TBCK: variants seen among roughly 807,000 people sequenced by gnomAD.
The protein encoded by TBCK is TBC1 domain containing kinase, also known as TBC domain-containing protein kinase-like protein.
A neutral mutation model predicts 113.4 loss-of-function variants in TBCK; 99 were observed. The ratio of observed to expected loss-of-function variants is 0.87; its 90% CI spans 0.74 to 1.03. TBCK has a LOEUF of 1.03. TBCK is among the 50% of genes least tolerant of loss of function. The pLI is 0.00. For synonymous variants in TBCK, 369 were observed against 370.8 expected (o/e 1.00, Z 0.05); for missense variants, 1,045 against 1,061.3 (o/e 0.98, Z 0.21).
At chr4:106,079,310 G>T (rs1475228191) in intron 25 of TBCK, among the ~76,000 whole-genome samples, 1 of 152,178 alleles carries the variant, frequency 6.6e-6, no homozygotes, top group African/African-American at 2.4e-5. Context: ...CATAGCACTG[G>T]AAGTCTTAGC....
chr4:106,313,538 C>G (rs1273675633), intron 1 of TBCK, among the ~76,000 whole-genome samples: 2 of 152,150 alleles, frequency 1.3e-5, no homozygotes, highest in East Asian at 3.8e-4. Flanking sequence ...CTTTTGTGAG[C>G]AAGTTTCCTT....
chr4:106,068,611 G>A (rs1291250093), intron 25 of TBCK, among the ~76,000 whole-genome samples: 4 of 152,252 alleles, frequency 2.6e-5, no homozygotes, highest in South Asian at 2.1e-4. Context: ...ATAAACATAC[G>A]TGTGCATGCA....
intron 23 of TBCK, among the ~76,000 whole-genome samples, chr4:106,135,239 A>T (rs1009703800): frequency 6.6e-6 from 1 of 151,426 alleles, no homozygotes; most frequent in Non-Finnish European, 1.5e-5. Flanking sequence ...TAGATATTTT[A>T]TATATAATAA....
chr4:106,112,229 A>G (rs1449549421), intron 24 of TBCK, among the ~76,000 whole-genome samples: 2 of 149,896 alleles, frequency 1.3e-5, no homozygotes, highest in Non-Finnish European at 3.0e-5. Context: ...CCCTGATATC[A>G]TCAGGATTCC....
intron 3 of TBCK, among the ~76,000 whole-genome samples, chr4:106,278,701 A>C (rs940248728): frequency 6.6e-6 from 1 of 151,988 alleles, no homozygotes; most frequent in Admixed American, 6.5e-5. Context: ...GAAATGTATA[A>C]TATATGTAAA....
chr4:106,081,959 G>A (rs1456736590), intron 25 of TBCK, among the ~76,000 whole-genome samples: 1 of 152,162 alleles, frequency 6.6e-6, no homozygotes, highest in African/African-American at 2.4e-5. Flanking sequence ...CACAAGAAAT[G>A]CTGGTGAGGT....
At chr4:106,260,241 T>G (rs905405822) in intron 5 of TBCK, among the ~76,000 whole-genome samples, 196 bp downstream of exon 5, 7 of 151,918 alleles carry the variant, frequency 4.6e-5, no homozygotes, top group Non-Finnish European at 1.5e-5. Context: ...CAATGAATGA[T>G]GAACATCAAC....
At position 106,227,886 on chromosome 4, in the gene TBCK, G is replaced by C. The variant is rs1469556912; in HGVS notation, c.1774+2477C>G. 4.1e-5 allele frequency among the ~76,000 whole-genome samples: 4 copies of C among 98,230 alleles called. 1 individual carries two copies. The highest frequency in any genetic ancestry group is 9.6e-5 in the Non-Finnish European group (4 of 41,808). 64.4% of individuals were successfully genotyped at this position (98,230 alleles called of 152,430 possible). A position where few individuals can be genotyped will look rare whatever the true frequency, so the allele number is the denominator to read the frequency against. ...ACAATAATAACACTAGCAAAAACTA[G>C]TACTTACAGTAACAGTAACATTAAG... On this transcript the variant is annotated intron_variant, in intron 19 of 25. Coordinates refer to ENST00000394708, the MANE Select transcript of TBCK (RefSeq NM_001163435.3).
chr4:106,298,060 G>A (rs374267469), intron 2 of TBCK, among the ~76,000 whole-genome samples: 13 of 152,174 alleles, frequency 8.5e-5, no homozygotes, highest in African/African-American at 2.9e-4. Context: ...CCCCAACATC[G>A]ATTTGCTGTC....
intron 25 of TBCK, among the ~76,000 whole-genome samples, chr4:106,070,402 G>A (rs1334062301): frequency 6.6e-6 from 1 of 152,170 alleles, no homozygotes; most frequent in Non-Finnish European, 1.5e-5. Context: ...AGATAATCAT[G>A]TGGTTTTTGT....
At chr4:106,310,359 T>C (rs896189983) in intron 1 of TBCK, 1 of 152,164 alleles carries the variant, frequency 6.6e-6, no homozygotes, top group Non-Finnish European at 1.5e-5. Context: ...GTTTGTTTGG[T>C]CCCTTCAGAT....
chr4:106,172,379 T>C (rs73838127), intron 22 of TBCK, among the ~76,000 whole-genome samples: 2,076 of 152,186 alleles, frequency 0.014, 53 homozygotes, highest in African/African-American at 0.047. Context: ...AGGCCAACAG[T>C]CCTGATGAGA....
At chr4:106,263,982 A>ATTAACAAATTTTATTTTACG (rs1278195537) in intron 3 of TBCK, among the ~76,000 whole-genome samples, 3 of 151,964 alleles carry the variant, frequency 2.0e-5, no homozygotes, top group African/African-American at 7.2e-5. Flanking sequence ...TTTATTTTAC[A>ATTAACAAATTTTATTTTACG]TTATCAAATA....
rs573100025 is a variant in TBCK at position 106,209,167 on chromosome 4, CT to C, written c.1860+3582del. 2.5e-4 allele frequency among the ~76,000 whole-genome samples: 38 copies of C among 152,254 alleles called. No homozygotes were observed. The South Asian group carries it at 7.7e-3, about 31-fold the overall frequency. On this transcript the variant is annotated intron_variant, in intron 20 of 25. Coordinates refer to ENST00000394708, the MANE Select transcript of TBCK (RefSeq NM_001163435.3). ...TCTTAATAACACTACAATTGCAGAA[CT>C]TTTTTACAAGAAGTTAAGCAATAAT... is the stretch of plus-strand genomic sequence containing the variant.
chr4:106,237,146 A>C (rs993612066), intron 12 of TBCK, among the ~76,000 whole-genome samples: 1 of 152,098 alleles, frequency 6.6e-6, no homozygotes, highest in African/African-American at 2.4e-5. Context: ...AGTTATATGA[A>C]GAAAGATGAT....
In TBCK at chr4:106,242,505, T is replaced by C. The variant is rs750127102; in HGVS notation, c.1135A>G (p.Thr379Ala). 6.2e-7 allele frequency: 1 copy of C among 1,608,816 alleles called. No homozygotes were observed. The highest frequency in any genetic ancestry group is 8.5e-7 in the Non-Finnish European group (1 of 1,177,486). ...TGGCATAACGACAATGTCACAGTGG[T>C]ATCATCTAAAAGCGAGCTTCTATCT... ...GRDRSSLLDD[T>A]TVTLSLCQLR... is the part of the protein sequence containing the mutation. The change falls in exon 12 of 26, where the codon ACC becomes GCC. Residue 379 changes from threonine to alanine, a missense_variant. By Grantham distance (58) the Thr-to-Ala change is moderately conservative. Transcript: ENST00000394708.
At chr4:106,100,065 GCATT>G (rs896735971) in intron 24 of TBCK, among the ~76,000 whole-genome samples, 3 of 152,058 alleles carry the variant, frequency 2.0e-5, no homozygotes, top group Non-Finnish European at 2.9e-5. Context: ...TCATTTTTGC[GCATT>G]CAAACATCCA....
intron 25 of TBCK, among the ~76,000 whole-genome samples, chr4:106,078,397 T>C (rs964519542): frequency 1.3e-5 from 2 of 151,928 alleles, no homozygotes; most frequent in Non-Finnish European, 2.9e-5. Flanking sequence ...ATTAATTAGA[T>C]TAATAAAGAA....
chr4:106,271,563 C>G (rs1763483044), intron 3 of TBCK, among the ~76,000 whole-genome samples: 1 of 151,928 alleles, frequency 6.6e-6, no homozygotes, highest in Non-Finnish European at 1.5e-5. Context: ...ACCAGACTAA[C>G]CAACATGGCA....
Sources: allele counts gnomAD v4.1 joint callset (sites outside exome capture counted in the v4.1 genomes callset), GRCh38; gene constraint gnomAD v4.1.1; transcripts MANE v1.5; gene names NCBI Gene and HGNC (gene_info 2026-07-23, HGNC 2026-07-21).